Variants in SRGN observed in about 807,000 individuals in gnomAD.
The protein encoded by SRGN is serglycin, also known as hematopoetic proteoglycan core peptide.
A neutral mutation model predicts 9.5 loss-of-function variants in SRGN; 2 were observed. That is an observed-to-expected ratio of 0.21 (90% CI 0.09 to 0.66). The LOEUF (loss-of-function observed/expected upper bound fraction) is 0.66. SRGN is among the 30% of genes least tolerant of loss of function. The pLI is 0.83. For synonymous variants in SRGN, 59 were observed against 72.3 expected, an observed-to-expected ratio of 0.82 and a Z score of 0.93; for missense variants, 170 against 192.4, an observed-to-expected ratio of 0.88 and a Z score of 0.69.
chr10:69,098,966 A>G (rs913840117), intron 2 of SRGN, among the ~76,000 whole-genome samples: 1 of 151,484 alleles, frequency 6.6e-6, no homozygotes, highest in African/African-American at 2.4e-5. Context: ...CAAAAAAAGA[A>G]AAAAAAAATT....
chr10:69,104,286 T>G lies in SRGN; in HGVS notation c.*166T>G. On this transcript the variant is annotated 3_prime_UTR_variant, in exon 3 of 3. Transcript: ENST00000242465. ...TTTTTCTCATGAATTCTTAAAGGAT[T>G]ATGCTTTAATGCTGTTATCTATTTT... 2 of 908,992 alleles carry G rather than the reference T, an allele frequency of 2.2e-6. No individual in the cohort carries two copies. The highest frequency in any genetic ancestry group is 1.9e-5 in the South Asian group (1 of 52,348). The allele number at this position is 908,992 out of a possible 1,614,324, so 56.3% of individuals were successfully genotyped here.
chr10:69,092,941 T>TG (rs1840096133), intron 1 of SRGN, among the ~76,000 whole-genome samples: 2 of 152,344 alleles, frequency 1.3e-5, no homozygotes, highest in South Asian at 4.1e-4. Flanking sequence ...TTCTGAACTC[T>TG]GGGGGAATTT....
chr10:69,088,178 A>G lies in SRGN; in HGVS notation c.21A>G (p.Lys7=). 6.2e-7 allele frequency: 1 copy of G among 1,614,184 alleles called. No homozygotes were observed. The highest frequency in any genetic ancestry group is 1.3e-5 in the African/African-American group (1 of 75,044). Reference sequence around the variant, plus strand: ...TGGTCATGATGCAGAAGCTACTCAAATGCAGTCGGCTTGTCCTGGCTCTTG... The same window carrying G: ...TGGTCATGATGCAGAAGCTACTCAAGTGCAGTCGGCTTGTCCTGGCTCTTG... MMQKLL[K]CSRLVLALAL... The change falls in exon 1 of 3, where the codon AAA becomes AAG. Residue 7 remains lysine, a synonymous_variant. Transcript: ENST00000242465.
rs189146318 is a variant in SRGN at position 69,089,639 on chromosome 10, T to A, written c.79+1403T>A. ...GGCCGGGCATGGTGGCTCACGCCTG[T>A]AATCCCAGCACTTTGAGAGGCCAAG... On this transcript the variant is annotated intron_variant, in intron 1 of 2. Coordinates refer to ENST00000242465, the MANE Select transcript of SRGN (RefSeq NM_002727.4). 4.6e-3 allele frequency among the ~76,000 whole-genome samples: 701 copies of A among 152,358 alleles called. 6 individuals are homozygous for A. The highest frequency in any genetic ancestry group is 0.016 in the African/African-American group (679 of 41,596).
chr10:69,103,749 T>G (rs1840335557), intron 2 of SRGN, 122 bp from the exon 3 acceptor site: 3 of 1,074,280 alleles, frequency 2.8e-6, no homozygotes, highest in Non-Finnish European at 3.9e-6. Context: ...AGCTTTTAAA[T>G]CTCTTAATTT....
chr10:69,097,457 CAG>C (rs1840200212), intron 2 of SRGN, among the ~76,000 whole-genome samples: 1 of 113,704 alleles, frequency 8.8e-6, no homozygotes, highest in Non-Finnish European at 1.8e-5. Context: ...GACGGAGTCT[CAG>C]TCTGTCGCTC....
intron 1 of SRGN, among the ~76,000 whole-genome samples, chr10:69,093,458 C>T (rs972657208): frequency 6.6e-6 from 1 of 152,178 alleles, no homozygotes; most frequent in Non-Finnish European, 1.5e-5. Context: ...CTAGACAGTA[C>T]AAGGTGTGAA....
At chr10:69,094,133 C>T (rs993972694) in intron 1 of SRGN, among the ~76,000 whole-genome samples, 3 of 152,128 alleles carry the variant, frequency 2.0e-5, no homozygotes, top group African/African-American at 7.2e-5. Context: ...AAAATTGAGG[C>T]ACAGGAAGTT....
At chr10:69,087,800 T>C (rs764000855), upstream of SRGN, among the ~76,000 whole-genome samples, 1 of 151,976 alleles carries the variant, frequency 6.6e-6, no homozygotes, top group African/African-American at 2.4e-5. Context: ...AGTGTTTAGA[T>C]TGTTACCTGA....
intron 1 of SRGN, among the ~76,000 whole-genome samples, chr10:69,091,817 T>C (rs1222396331): frequency 1.6e-5 from 2 of 127,390 alleles, no homozygotes; most frequent in Non-Finnish European, 3.1e-5. Flanking sequence ...GAGATGGAGG[T>C]TGCAGTGAGC....
intron 2 of SRGN, among the ~76,000 whole-genome samples, chr10:69,102,356 C>G (rs1241108870): frequency 6.6e-6 from 1 of 152,148 alleles, no homozygotes; most frequent in East Asian, 1.9e-4. Flanking sequence ...TCTGTGCCAC[C>G]TATGATTTTC....
chr10:69,088,632 G>A (rs1304809854), intron 1 of SRGN, among the ~76,000 whole-genome samples: 2 of 152,068 alleles, frequency 1.3e-5, no homozygotes, highest in African/African-American at 4.8e-5. Context: ...GTTTTAGTGC[G>A]CTGTGACGGT....
intron 1 of SRGN, 54 bp from the exon 2 acceptor site, chr10:69,097,030 G>T: frequency 6.3e-7 from 1 of 1,575,384 alleles, no homozygotes; most frequent in Non-Finnish European, 8.6e-7. Context: ...TTAGGACAGA[G>T]TGATTAGAAG....
At chr10:69,100,933 T>C in intron 2 of SRGN, among the ~76,000 whole-genome samples, 1 of 151,970 alleles carries the variant, frequency 6.6e-6, no homozygotes, top group East Asian at 1.9e-4. Context: ...GACAACCTCC[T>C]TCCACTATCG....
intron 1 of SRGN, among the ~76,000 whole-genome samples, chr10:69,096,035 C>T (rs1303857869): frequency 1.3e-5 from 2 of 152,134 alleles, no homozygotes; most frequent in Non-Finnish European, 2.9e-5. Context: ...TCCAAGCTGC[C>T]TGGTGCTCTG....
Position 69,088,370 on chromosome 10 carries a change from C to T in SRGN, c.79+134C>T, listed in dbSNP as rs952255102. 1.8e-5 allele frequency: 13 copies of T among 729,286 alleles called. No homozygotes were observed. In the Admixed American group the frequency reaches 2.8e-4, roughly 16 times the overall value. 45.2% of individuals were successfully genotyped at this position (729,286 alleles called of 1,614,324 possible). On this transcript the variant is annotated intron_variant, in intron 1 of 2. Coordinates refer to ENST00000242465, the MANE Select transcript of SRGN (RefSeq NM_002727.4). ...GAGGCAAAGAAGAAGGATTTGGGGTCGCTGAACCCTTTAATATGAGTTCTG... is the reference window on the plus strand; with the variant it reads ...GAGGCAAAGAAGAAGGATTTGGGGTTGCTGAACCCTTTAATATGAGTTCTG...
At chr10:69,095,842 G>A (rs571774782) in intron 1 of SRGN, among the ~76,000 whole-genome samples, 2 of 152,010 alleles carry the variant, frequency 1.3e-5, no homozygotes, top group Admixed American at 6.6e-5. Context: ...AACCCGGGAG[G>A]TGGAGGTTGC....
intron 1 of SRGN, among the ~76,000 whole-genome samples, chr10:69,093,453 C>G (rs1840107438): frequency 6.6e-6 from 1 of 152,144 alleles, no homozygotes; most frequent in African/African-American, 2.4e-5. Context: ...TTGGTCTAGA[C>G]AGTACAAGGT....
chr10:69,097,427 A>ATTTTTTTTTT lies in SRGN; in HGVS notation c.227+204_227+213dup, dbSNP rs71035049. 2.8e-3 allele frequency among the ~76,000 whole-genome samples: 310 copies of ATTTTTTTTTT among 111,368 alleles called. 19 individuals are homozygous for ATTTTTTTTTT. Among genetic ancestry groups the ATTTTTTTTTT allele is most frequent in the Middle Eastern group, 4.7e-3 (1 of 212 alleles). The allele number at this position is 111,368 out of a possible 152,430, so 73.1% of individuals were successfully genotyped here. A position where few individuals can be genotyped will look rare whatever the true frequency, so the allele number is the denominator to read the frequency against. The stretch of plus-strand genomic sequence containing the variant: ...AGGCGCCTGCCACCATGCCCAGCTA[A>ATTTTTTTTTT]TTTTTTTTTTTTTTTTTGAGACGGA... On this transcript the variant is annotated intron_variant, in intron 2 of 2. Transcript: ENST00000242465.
Sources: allele counts gnomAD v4.1 joint callset (sites outside exome capture counted in the v4.1 genomes callset), GRCh38; gene constraint gnomAD v4.1.1; transcripts MANE v1.5; gene names NCBI Gene and HGNC (gene_info 2026-07-23, HGNC 2026-07-21).